The following SCAPER variants were observed in gnomAD, a reference collection of about 807,000 sequenced individuals.
The protein encoded by SCAPER is S-phase cyclin A associated protein in the ER.
A neutral mutation model predicts 182.2 loss-of-function variants in SCAPER; 98 were observed. The ratio of observed to expected loss-of-function variants is 0.54; its 90% CI spans 0.46 to 0.64. The LOEUF (loss-of-function observed/expected upper bound fraction) is 0.64, where lower values mean the gene tolerates loss of function less well. Among genes scored for constraint, SCAPER ranks in the 30% least tolerant of loss-of-function variants. The probability of loss-of-function intolerance (pLI) is 0.00; values close to 1 mark genes in which losing one functional copy is unlikely to be tolerated. For missense variants in SCAPER, 1,432 were observed against 1,690.0 expected, an observed-to-expected ratio of 0.85 and a Z score of 2.68; for synonymous variants, 605 against 564.6, an observed-to-expected ratio of 1.07 and a Z score of -1.01.
intron 25 of SCAPER, among the ~76,000 whole-genome samples, chr15:76,464,351 A>C (rs1217827090): frequency 6.6e-6 from 1 of 152,024 alleles, no homozygotes; most frequent in Non-Finnish European, 1.5e-5. Context: ...TTCTTTTTTA[A>C]GGTTGATTAA....
chr15:76,751,705 A>G lies in SCAPER; in HGVS notation c.1866+2103T>C, dbSNP rs558630203. Reference sequence around the variant, plus strand: ...AAAAAATCAAGCTAAACCTTTACCTAACACCACATACTGAAATTAACTCGA... The same window carrying G: ...AAAAAATCAAGCTAAACCTTTACCTGACACCACATACTGAAATTAACTCGA... On this transcript the variant is annotated intron_variant, in intron 15 of 31. Transcript: ENST00000563290. Among the ~76,000 whole-genome samples the G allele has an allele frequency of 4.6e-5, 7 of 151,824 alleles. No homozygotes were observed. In the South Asian group the frequency reaches 1.4e-3, roughly 31 times the overall value.
chr15:76,855,254 A>G (rs2071220302), intron 4 of SCAPER, among the ~76,000 whole-genome samples: 1 of 152,142 alleles, frequency 6.6e-6, no homozygotes, highest in Non-Finnish European at 1.5e-5. Context: ...TCCCTTCCTT[A>G]CACCATATAC....
At chr15:76,488,329 T>C (rs893135860) in intron 24 of SCAPER, among the ~76,000 whole-genome samples, 2 of 152,174 alleles carry the variant, frequency 1.3e-5, no homozygotes, top group African/African-American at 4.8e-5. Flanking sequence ...TTATATAGAA[T>C]ATCTATAATT....
chr15:76,492,724 TAAG>T (rs1284569244), intron 24 of SCAPER, among the ~76,000 whole-genome samples: 1 of 152,114 alleles, frequency 6.6e-6, no homozygotes, highest in African/African-American at 2.4e-5. Context: ...GGACTGATAA[TAAG>T]AAAATGTCCT....
intron 22 of SCAPER, among the ~76,000 whole-genome samples, chr15:76,605,186 A>C (rs1190779991): frequency 6.6e-6 from 1 of 152,196 alleles, no homozygotes; most frequent in East Asian, 1.9e-4. Context: ...TATTATTTTG[A>C]GATACGACCC....
chr15:76,815,606 G>A (rs889633165), intron 5 of SCAPER, among the ~76,000 whole-genome samples: 3 of 152,142 alleles, frequency 2.0e-5, no homozygotes, highest in Admixed American at 6.5e-5. Flanking sequence ...AACCTGACCC[G>A]CACAACAGGA....
chr15:76,605,347 C>G (rs1338916942), intron 22 of SCAPER, among the ~76,000 whole-genome samples: 2 of 152,112 alleles, frequency 1.3e-5, no homozygotes, highest in Non-Finnish European at 2.9e-5. Context: ...GTATGTTGAA[C>G]CAGCCTTGCA....
chr15:76,371,716 C>T (rs1024092202), intron 29 of SCAPER, among the ~76,000 whole-genome samples: 7 of 151,414 alleles, frequency 4.6e-5, no homozygotes, highest in South Asian at 2.1e-4. Flanking sequence ...GTCAGGAGTT[C>T]GAGACCAGCC....
intron 26 of SCAPER, among the ~76,000 whole-genome samples, chr15:76,430,827 G>C (rs918158466): frequency 2.0e-5 from 3 of 152,122 alleles, no homozygotes; most frequent in African/African-American, 7.2e-5. Flanking sequence ...GAAATGTGAG[G>C]ACATGAGATT....
chr15:76,434,304 C>T lies in SCAPER; in HGVS notation c.3085G>A (p.Val1029Ile). The change falls in exon 26 of 32, where the codon GTT becomes ATT. Residue 1029 changes from valine to isoleucine, a missense_variant. Val to Ile is a conservative substitution (Grantham distance 29). Transcript: ENST00000563290. ...AAAATAGTATTATTTTCATCTGGAA[C>T]ATAAACCTAGATGAAAAAAAAGTAC... ...DLLIHQLTVY[V>I]PDENNTILGR... 6.3e-7 allele frequency: 1 copy of T among 1,599,176 alleles called. No individual in the cohort carries two copies. The highest frequency in any genetic ancestry group is 1.1e-5 in the South Asian group (1 of 89,678).
At chr15:76,355,626 G>C (rs1157390384) in intron 29 of SCAPER, among the ~76,000 whole-genome samples, 1 of 151,970 alleles carries the variant, frequency 6.6e-6, no homozygotes, top group Non-Finnish European at 1.5e-5. Context: ...GCTATTATTG[G>C]AAGATTTGCT....
At chr15:76,819,035 G>C (rs574644209) in intron 5 of SCAPER, among the ~76,000 whole-genome samples, 2 of 152,230 alleles carry the variant, frequency 1.3e-5, no homozygotes. Context: ...AGCGAGGCAG[G>C]GGGAGGAGCA....
chr15:76,851,805 A>G (rs891839541), intron 4 of SCAPER, among the ~76,000 whole-genome samples: 1 of 152,194 alleles, frequency 6.6e-6, no homozygotes, highest in Non-Finnish European at 1.5e-5. Flanking sequence ...ACCAGCTAAC[A>G]ACAACATGAT....
At chr15:76,609,357 C>T (rs4886819) in intron 22 of SCAPER, among the ~76,000 whole-genome samples, 49,139 of 151,166 alleles carry the variant, frequency 0.33, 8,232 homozygotes, top group East Asian at 0.55. Context: ...GGCATGGTGG[C>T]GTGTGCCTGT....
intron 23 of SCAPER, among the ~76,000 whole-genome samples, chr15:76,543,454 T>A (rs1282859137): frequency 6.6e-6 from 1 of 152,130 alleles, no homozygotes; most frequent in Non-Finnish European, 1.5e-5. Context: ...AGAGAAAGAT[T>A]TTAAGTGTAC....
chr15:76,812,125 C>A (rs987236368), intron 5 of SCAPER, among the ~76,000 whole-genome samples: 2 of 151,946 alleles, frequency 1.3e-5, no homozygotes, highest in African/African-American at 4.8e-5. Context: ...ACCAACCTGA[C>A]CAGTATGGTG....
At chr15:76,872,131 T>C (rs2072774494) in intron 2 of SCAPER, among the ~76,000 whole-genome samples, 1 of 146,582 alleles carries the variant, frequency 6.8e-6, no homozygotes. Flanking sequence ...AACTGGAAAA[T>C]GGAAAATATG....
chr15:76,561,586 T>C (rs2046626212), intron 23 of SCAPER, among the ~76,000 whole-genome samples: 1 of 152,138 alleles, frequency 6.6e-6, no homozygotes, highest in Non-Finnish European at 1.5e-5. Flanking sequence ...TTAGCACTGT[T>C]TTAGGGAAGG....
At chr15:76,519,388 G>C (rs1368234095) in intron 23 of SCAPER, among the ~76,000 whole-genome samples, 1 of 152,164 alleles carries the variant, frequency 6.6e-6, no homozygotes, top group Non-Finnish European at 1.5e-5. Context: ...TTTTTAGCAG[G>C]GAAAGGGAGA....
Sources: gnomAD v4.1 joint callset for allele counts (sites outside exome capture counted in the v4.1 genomes callset) on GRCh38, gnomAD v4.1.1 for gene constraint, MANE v1.5 for transcripts, NCBI Gene and HGNC (gene_info 2026-07-23, HGNC 2026-07-21) for gene names.